The following CLYBL variants were observed in gnomAD, a reference collection of about 807,000 sequenced individuals.
The protein encoded by CLYBL is citramalyl-CoA lyase, mitochondrial.
Under a neutral mutation model 38.9 loss-of-function variants are expected in CLYBL, and 31 were observed. That is an observed-to-expected ratio of 0.80 (90% confidence interval 0.60 to 1.08). CLYBL has a LOEUF of 1.08. Among genes scored for constraint, CLYBL ranks in the 50% least tolerant of loss-of-function variants. The pLI, the probability that CLYBL is intolerant of heterozygous loss-of-function variation, is 0.00. For missense variants in CLYBL, 434 were observed against 411.6 expected (o/e 1.05, Z -0.47); for synonymous variants, 171 against 158.6 (o/e 1.08, Z -0.59).
chr13:99,652,273 G>T (rs1253787450), intron 1 of CLYBL, among the ~76,000 whole-genome samples: 1 of 152,198 alleles, frequency 6.6e-6, no homozygotes, highest in African/African-American at 2.4e-5. Flanking sequence ...TCCTCAGGGG[G>T]TGAAGTGTGT....
chr13:99,756,875 T>G (rs2049072086), intron 1 of CLYBL, among the ~76,000 whole-genome samples: 1 of 152,196 alleles, frequency 6.6e-6, no homozygotes, highest in African/African-American at 2.4e-5. Context: ...TATTGCTATT[T>G]TGAATTACTG....
intron 8 of CLYBL, among the ~76,000 whole-genome samples, chr13:99,902,660 TTTTTAC>T (rs2052655426): frequency 6.6e-6 from 1 of 152,120 alleles, no homozygotes; most frequent in African/African-American, 2.4e-5. Context: ...AACTTGTCCC[TTTTTAC>T]TTTTATTTTC....
chr13:99,797,790 T>A (rs749687031), intron 2 of CLYBL, among the ~76,000 whole-genome samples: 1 of 152,164 alleles, frequency 6.6e-6, no homozygotes, highest in Non-Finnish European at 1.5e-5. Context: ...TGGAACTCAG[T>A]ACTACCAAGC....
At chr13:99,870,272 G>A (rs2051849873) in intron 6 of CLYBL, among the ~76,000 whole-genome samples, 1 of 152,034 alleles carries the variant, frequency 6.6e-6, no homozygotes, top group Non-Finnish European at 1.5e-5. Context: ...TAAGGCTGCA[G>A]TGTTCAAATC....
chr13:99,876,639 A>T (rs1306163251), intron 7 of CLYBL, among the ~76,000 whole-genome samples: 2 of 152,152 alleles, frequency 1.3e-5, no homozygotes, highest in Admixed American at 1.3e-4. Context: ...TCTTTTAGTC[A>T]GATGCCTTCA....
intron 2 of CLYBL, among the ~76,000 whole-genome samples, chr13:99,786,669 G>T (rs575097459): frequency 6.6e-6 from 1 of 152,142 alleles, no homozygotes; most frequent in Admixed American, 6.5e-5. Context: ...ATAAACATAC[G>T]TGTACATGTG....
At chr13:99,655,899 T>G (rs1158447803) in intron 1 of CLYBL, among the ~76,000 whole-genome samples, 1 of 152,228 alleles carries the variant, frequency 6.6e-6, no homozygotes, top group Non-Finnish European at 1.5e-5. Context: ...GTTAACATAC[T>G]GAGGACAGAG....
chr13:99,692,338 C>T (rs550138188), intron 1 of CLYBL, among the ~76,000 whole-genome samples: 1 of 151,210 alleles, frequency 6.6e-6, no homozygotes, highest in Non-Finnish European at 1.5e-5. Flanking sequence ...GTCACCCAGG[C>T]TGGAGTGCAG....
intron 1 of CLYBL, among the ~76,000 whole-genome samples, chr13:99,657,842 C>T (rs2047350487): frequency 6.6e-6 from 1 of 152,200 alleles, no homozygotes; most frequent in Admixed American, 6.5e-5. Context: ...TCTGCTGTGG[C>T]TCATCTGTAA....
chr13:99,796,488 G>T (rs907221577), intron 2 of CLYBL, among the ~76,000 whole-genome samples: 1 of 152,164 alleles, frequency 6.6e-6, no homozygotes, highest in Non-Finnish European at 1.5e-5. Flanking sequence ...TAAGTGCTCT[G>T]CATGGGTTAA....
chr13:99,816,487 G>A (rs538159481), intron 2 of CLYBL, among the ~76,000 whole-genome samples: 1 of 152,284 alleles, frequency 6.6e-6, no homozygotes, highest in Admixed American at 6.5e-5. Flanking sequence ...TCGTAAAATG[G>A]GCCCTGCTAT....
chr13:99,854,387 C>G (rs1283727739), intron 2 of CLYBL, among the ~76,000 whole-genome samples: 1 of 150,988 alleles, frequency 6.6e-6, no homozygotes, highest in Non-Finnish European at 1.5e-5. Context: ...TCTTGGTTGT[C>G]ACAATCCCCC....
chr13:99,891,584 C>T (rs191232387), intron 8 of CLYBL, 147 bp downstream of exon 8: 3 of 534,158 alleles, frequency 5.6e-6, no homozygotes, highest in Non-Finnish European at 9.9e-6. Flanking sequence ...CAGTTATTCC[C>T]CTAAAAAAAT....
intron 9 of CLYBL, among the ~76,000 whole-genome samples, chr13:99,907,496 C>T (rs1044803587): frequency 2.0e-5 from 3 of 151,944 alleles, no homozygotes; most frequent in African/African-American, 7.2e-5. Flanking sequence ...GGTGATAAGA[C>T]TACTGGTGAT....
At chr13:99,715,268 C>A (rs1366684028) in intron 1 of CLYBL, among the ~76,000 whole-genome samples, 1 of 152,188 alleles carries the variant, frequency 6.6e-6, no homozygotes, top group Non-Finnish European at 1.5e-5. Flanking sequence ...TTGACTAACT[C>A]CTCCCCTTCA....
intron 7 of CLYBL, among the ~76,000 whole-genome samples, chr13:99,891,010 G>C (rs1259659227): frequency 6.6e-6 from 1 of 152,156 alleles, no homozygotes; most frequent in African/African-American, 2.4e-5. Context: ...ATATAGGGAA[G>C]TATTTAGATT....
chr13:99,635,098 G>T (rs959317200), intron 1 of CLYBL, among the ~76,000 whole-genome samples: 7 of 152,022 alleles, frequency 4.6e-5, no homozygotes, highest in Non-Finnish European at 5.9e-5. Flanking sequence ...TTCCCATCTC[G>T]GGTGATCAGG....
intron 1 of CLYBL, among the ~76,000 whole-genome samples, chr13:99,739,848 C>A (rs2048723468): frequency 6.6e-6 from 1 of 152,130 alleles, no homozygotes; most frequent in African/African-American, 2.4e-5. Context: ...GTGGTGCATA[C>A]CTGTAATCCT....
At chr13:99,875,555 G>T (rs1426605367) in intron 7 of CLYBL, among the ~76,000 whole-genome samples, 2 of 152,202 alleles carry the variant, frequency 1.3e-5, no homozygotes, top group African/African-American at 4.8e-5. Flanking sequence ...CTCCCTGAGA[G>T]AACTCAGGAG....
Sources: allele counts gnomAD v4.1 joint callset (sites outside exome capture counted in the v4.1 genomes callset), GRCh38; gene constraint gnomAD v4.1.1; transcripts MANE v1.5; gene names NCBI Gene and HGNC (gene_info 2026-07-23, HGNC 2026-07-21).